The following JAKMIP2 variants were observed in gnomAD, a reference collection of about 807,000 sequenced individuals.
The protein encoded by JAKMIP2 is janus kinase and microtubule interacting protein 2.
Under a neutral mutation model 115.0 loss-of-function variants are expected in JAKMIP2, and 25 were observed. That is an observed-to-expected ratio of 0.22 (90% CI 0.16 to 0.30). The LOEUF (loss-of-function observed/expected upper bound fraction) is 0.30. Ranked by LOEUF, JAKMIP2 falls within the 10% of genes least tolerant of loss-of-function variation. The pLI is 1.00. For missense variants in JAKMIP2, 642 were observed against 957.6 expected, an observed-to-expected ratio of 0.67 and a Z score of 4.35; for synonymous variants, 334 against 343.6, an observed-to-expected ratio of 0.97 and a Z score of 0.31.
intron 1 of JAKMIP2, among the ~76,000 whole-genome samples, chr5:147,719,799 T>A (rs1276158628): frequency 6.6e-6 from 1 of 152,056 alleles, no homozygotes; most frequent in South Asian, 2.1e-4. Flanking sequence ...TGACTCTTTA[T>A]CCAATTTGCC....
At chr5:147,595,612 T>A in intron 21 of JAKMIP2, 2 of 447,012 alleles carry the variant, frequency 4.5e-6, no homozygotes, top group South Asian at 3.2e-5. Flanking sequence ...ACAAATGGAC[T>A]AAGACAGAGA....
At chr5:147,707,101 T>C (rs1016136696) in intron 1 of JAKMIP2, among the ~76,000 whole-genome samples, 3 of 152,166 alleles carry the variant, frequency 2.0e-5, no homozygotes, top group African/African-American at 7.2e-5. Flanking sequence ...TAATTCTAGG[T>C]ACTGTGTTAA....
intron 1 of JAKMIP2, among the ~76,000 whole-genome samples, chr5:147,743,995 C>CTTTT (rs1184589518): frequency 2.0e-5 from 2 of 102,240 alleles, no homozygotes; most frequent in African/African-American, 7.8e-5. Context: ...TCCTTCCTAA[C>CTTTT]TTCTTTCCTT....
At chr5:147,610,693 T>C (rs1756270887) in intron 20 of JAKMIP2, among the ~76,000 whole-genome samples, 1 of 152,178 alleles carries the variant, frequency 6.6e-6, no homozygotes, top group African/African-American at 2.4e-5. Flanking sequence ...GTCTGTCCCT[T>C]CACAGAGCTT....
rs561734749 is a variant in JAKMIP2 at position 147,612,303 on chromosome 5, T to G, written c.2412+3A>C. 6.6e-7 allele frequency: 1 copy of G among 1,517,620 alleles called. No individual in the cohort carries two copies. Among genetic ancestry groups the G allele is most frequent in the East Asian group, 2.3e-5 (1 of 44,334 alleles). The allele number at this position is 1,517,620 out of a possible 1,614,324, so 94.0% of individuals were successfully genotyped here. ...TAAGATAGTTATTGAATTTGACACC[T>G]ACCTTTTCTTCTAAGTCTTTTATTT... On this transcript the variant is annotated splice_donor_region_variant and intron_variant, in intron 20 of 21. Coordinates refer to ENST00000616793, the MANE Select transcript of JAKMIP2 (RefSeq NM_001270941.2).
intron 1 of JAKMIP2, among the ~76,000 whole-genome samples, chr5:147,758,265 T>C (rs1754815870): frequency 6.6e-6 from 1 of 152,116 alleles, no homozygotes; most frequent in Non-Finnish European, 1.5e-5. Context: ...ATGTTGCAAC[T>C]AAAAAATTTA....
Position 147,587,275 on chromosome 5 carries a change from A to C in JAKMIP2, c.*4432T>G, listed in dbSNP as rs1304744502. 1.3e-5 allele frequency: 2 copies of C among 152,200 alleles called. No homozygotes were observed. The highest frequency in any genetic ancestry group is 2.9e-5 in the Non-Finnish European group (2 of 68,032). The allele number at this position is 152,200 out of a possible 1,614,324, so 9.4% of individuals were successfully genotyped here. ...AAGTTATATTGAATTTTTTCAATGT[A>C]ATAGATAAATCTAAATTAGTAAAAT... On this transcript the variant is annotated 3_prime_UTR_variant, in exon 22 of 22. Coordinates refer to ENST00000616793, the MANE Select transcript of JAKMIP2 (RefSeq NM_001270941.2).
chr5:147,751,916 G>A (rs578139988), intron 1 of JAKMIP2, among the ~76,000 whole-genome samples: 1 of 152,228 alleles, frequency 6.6e-6, no homozygotes, highest in African/African-American at 2.4e-5. Flanking sequence ...TATTTTTGAG[G>A]ATCTGGGTTA....
At chr5:147,739,652 A>G (rs1754066940) in intron 1 of JAKMIP2, among the ~76,000 whole-genome samples, 1 of 152,168 alleles carries the variant, frequency 6.6e-6, no homozygotes, top group Non-Finnish European at 1.5e-5. Flanking sequence ...GCTCTCTTGA[A>G]GCAGCATCAT....
chr5:147,748,794 G>A (rs1157917376), intron 1 of JAKMIP2, among the ~76,000 whole-genome samples: 1 of 152,088 alleles, frequency 6.6e-6, no homozygotes, highest in Non-Finnish European at 1.5e-5. Flanking sequence ...TAGCACACTT[G>A]GTCTGACCAA....
Position 147,631,429 on chromosome 5 carries a change from A to T in JAKMIP2, c.1859T>A (p.Met620Lys). Reference protein sequence around the residue: ...DGVSALQIYCMKEGVKDVNIP... With the variant: ...DGVSALQIYCKKEGVKDVNIP... Reference sequence around the variant, plus strand: ...TCTGCCTACCTTAACACCTTCTTTCATACAGTAGATCTGTAGAGCACTCAC... The same window carrying T: ...TCTGCCTACCTTAACACCTTCTTTCTTACAGTAGATCTGTAGAGCACTCAC... The change falls in exon 14 of 22, where the codon ATG (methionine) becomes AAG (lysine). Residue 620 changes from methionine (M) to lysine (K), a missense_variant. This residue lies in a region of JAKMIP2 where 103 missense variants were observed against 177.6 expected (regional missense o/e 0.58). Transcript: ENST00000616793. 1.2e-6 allele frequency: 2 copies of T among 1,601,458 alleles called. No homozygotes were observed. The highest frequency in any genetic ancestry group is 1.7e-6 in the Non-Finnish European group (2 of 1,171,548).
chr5:147,711,859 G>T (rs938816193), intron 1 of JAKMIP2, among the ~76,000 whole-genome samples: 1 of 152,132 alleles, frequency 6.6e-6, no homozygotes, highest in African/African-American at 2.4e-5. Flanking sequence ...GTAGAGACAG[G>T]GTTTTGCCAT....
intron 1 of JAKMIP2, among the ~76,000 whole-genome samples, chr5:147,700,770 T>C (rs559539382): frequency 1.3e-5 from 2 of 152,174 alleles, no homozygotes; most frequent in Non-Finnish European, 2.9e-5. Flanking sequence ...TTTATTGCCT[T>C]TCTGGAATTT....
intron 1 of JAKMIP2, among the ~76,000 whole-genome samples, chr5:147,690,585 G>A (rs1267898228): frequency 3.8e-4 from 26 of 68,102 alleles, no homozygotes; most frequent in East Asian, 1.0e-3. Flanking sequence ...ATATATATAT[G>A]CACATATGCA....
chr5:147,676,281 A>G (rs998720960), intron 1 of JAKMIP2, among the ~76,000 whole-genome samples: 1 of 152,196 alleles, frequency 6.6e-6, no homozygotes, highest in Non-Finnish European at 1.5e-5. Flanking sequence ...GCTTGCAGTG[A>G]GCCAAGATCA....
intron 3 of JAKMIP2, 104 bp downstream of exon 3, chr5:147,660,844 T>A: frequency 7.5e-7 from 1 of 1,324,558 alleles, no homozygotes. Flanking sequence ...AGGCACTGTT[T>A]ACAATCCACT....
At chr5:147,691,540 C>T (rs187703635) in intron 1 of JAKMIP2, among the ~76,000 whole-genome samples, 39 of 152,310 alleles carry the variant, frequency 2.6e-4, no homozygotes, top group African/African-American at 9.4e-4. Context: ...AAAACTGGGG[C>T]TCAGAATCAT....
At chr5:147,684,913 C>T (rs1760496203) in intron 1 of JAKMIP2, among the ~76,000 whole-genome samples, 1 of 152,108 alleles carries the variant, frequency 6.6e-6, no homozygotes, top group African/African-American at 2.4e-5. Context: ...CTTTCCTAAG[C>T]TAAAGGAACT....
chr5:147,624,080 G>A (rs1756987220), intron 16 of JAKMIP2, among the ~76,000 whole-genome samples: 1 of 152,082 alleles, frequency 6.6e-6, no homozygotes, highest in Non-Finnish European at 1.5e-5. Context: ...TGATCCACCT[G>A]CCTCAGCCTC....
Sources: gnomAD v4.1 joint callset for allele counts (sites outside exome capture counted in the v4.1 genomes callset) on GRCh38, gnomAD v4.1.1 for gene constraint, gnomAD v4.1.1 regional missense constraint, MANE v1.5 for transcripts, NCBI Gene and HGNC (gene_info 2026-07-23, HGNC 2026-07-21) for gene names.